Variants in RERG observed in about 807,000 individuals in gnomAD.
The protein encoded by RERG is RAS like estrogen regulated growth inhibitor, also known as ras-related and estrogen-regulated growth inhibitor.
In RERG, 25 loss-of-function variants were observed where a neutral mutation model predicts 23.2. The ratio of observed to expected loss-of-function variants is 1.08; its 90% confidence interval spans 0.79 to 1.50. RERG has a LOEUF of 1.50. Ranked by LOEUF, RERG falls within the 40% of genes most tolerant of loss-of-function variation. RERG has a pLI of 0.00. For synonymous variants in RERG, 81 were observed against 89.1 expected (o/e 0.91, Z 0.51); for missense variants, 253 against 250.1 (o/e 1.01, Z -0.08).
At chr12:15,180,214 G>A (rs578050674) in intron 2 of RERG, among the ~76,000 whole-genome samples, 15 of 152,218 alleles carry the variant, frequency 9.9e-5, no homozygotes, top group African/African-American at 3.6e-4. Context: ...TTACTGCAAA[G>A]GGCTGACATA....
intron 2 of RERG, among the ~76,000 whole-genome samples, chr12:15,144,247 T>C (rs1864291438): frequency 6.6e-6 from 1 of 152,200 alleles, no homozygotes; most frequent in Admixed American, 6.5e-5. Flanking sequence ...TAATATCTTT[T>C]AAACATGCAA....
chr12:15,161,465 G>A (rs576368317), intron 2 of RERG, among the ~76,000 whole-genome samples: 1 of 152,250 alleles, frequency 6.6e-6, no homozygotes, highest in Non-Finnish European at 1.5e-5. Flanking sequence ...AAACACTCTG[G>A]ACCTTCCTTC....
At chr12:15,187,211 G>C (rs1340483331) in intron 2 of RERG, among the ~76,000 whole-genome samples, 1 of 151,986 alleles carries the variant, frequency 6.6e-6, no homozygotes, top group Non-Finnish European at 1.5e-5. Context: ...CAGCTCTCAA[G>C]GCAACAAGTA....
intron 2 of RERG, among the ~76,000 whole-genome samples, chr12:15,146,934 T>G (rs1175121224): frequency 6.6e-6 from 1 of 152,166 alleles, no homozygotes; most frequent in Non-Finnish European, 1.5e-5. Context: ...ATCCCTCTCT[T>G]TGGTTTCATT....
intron 2 of RERG, among the ~76,000 whole-genome samples, chr12:15,195,179 C>T (rs1353472526): frequency 2.6e-5 from 4 of 152,010 alleles, no homozygotes; most frequent in South Asian, 2.1e-4. Flanking sequence ...AGATAGCCCA[C>T]GAGATATGAT....
chr12:15,210,706 T>C (rs1865354946), intron 2 of RERG, among the ~76,000 whole-genome samples: 1 of 152,206 alleles, frequency 6.6e-6, no homozygotes, highest in African/African-American at 2.4e-5. Flanking sequence ...TACATATACG[T>C]AGGCATATAC....
At chr12:15,130,100 CATCCATCCTTT>C in intron 2 of RERG, among the ~76,000 whole-genome samples, 1 of 152,184 alleles carries the variant, frequency 6.6e-6, no homozygotes, top group East Asian at 1.9e-4. Context: ...TCCATCCATT[CATCCATCCTTT>C]ATCCTGCCAT....
At chr12:15,124,552 G>C (rs1863901262) in intron 2 of RERG, among the ~76,000 whole-genome samples, 1 of 151,976 alleles carries the variant, frequency 6.6e-6, no homozygotes, top group Non-Finnish European at 1.5e-5. Context: ...GAAGTAACTT[G>C]ATTAACAATG....
Position 15,108,816 on chromosome 12 carries a change from G to A in RERG, c.*294C>T. ...AAAACTTCAACCTACTTAAAGCAAG[G>A]TGAAGATGCCTAAAAATAGCTTAAC... On this transcript the variant is annotated 3_prime_UTR_variant, in exon 5 of 5. Transcript: ENST00000256953. 1 of 278,254 alleles carries A rather than the reference G, an allele frequency of 3.6e-6. No individual in the cohort carries two copies. Among genetic ancestry groups the A allele is most frequent in the Non-Finnish European group, 6.6e-6 (1 of 150,660 alleles). The allele number at this position is 278,254 out of a possible 1,614,324, so 17.2% of individuals were successfully genotyped here.
chr12:15,166,531 GGTGGTGGTGGTA>G (rs1457832804), intron 2 of RERG, among the ~76,000 whole-genome samples: 5 of 151,314 alleles, frequency 3.3e-5, no homozygotes, highest in Non-Finnish European at 4.4e-5. Flanking sequence ...TGATGGTGGT[GGTGGTGGTGGTA>G]GTGGTGTTGG....
intron 2 of RERG, among the ~76,000 whole-genome samples, chr12:15,132,795 AC>A (rs1176821478): frequency 2.0e-5 from 3 of 152,154 alleles, no homozygotes; most frequent in Admixed American, 6.5e-5. Context: ...CTCTAATTAC[AC>A]ATGATATTGG....
At chr12:15,214,185 A>T (rs918546140) in intron 2 of RERG, among the ~76,000 whole-genome samples, 1 of 152,196 alleles carries the variant, frequency 6.6e-6, no homozygotes, top group African/African-American at 2.4e-5. Flanking sequence ...ATAATAATAT[A>T]AGCTAATTTT....
intron 2 of RERG, among the ~76,000 whole-genome samples, chr12:15,147,014 G>A (rs1004015252): frequency 6.7e-6 from 1 of 150,366 alleles, no homozygotes; most frequent in Non-Finnish European, 1.5e-5. Flanking sequence ...CCTTCTCTTT[G>A]ACATTCTAAA....
intron 2 of RERG, among the ~76,000 whole-genome samples, chr12:15,141,152 C>CTTTT (rs147094991): frequency 2.2e-4 from 31 of 138,252 alleles, no homozygotes; most frequent in African/African-American, 7.7e-4. Context: ...ATTGATGTGT[C>CTTTT]TTTTTTTTTT....
At chr12:15,153,623 G>A (rs556632353) in intron 2 of RERG, among the ~76,000 whole-genome samples, 1 of 151,350 alleles carries the variant, frequency 6.6e-6, no homozygotes, top group South Asian at 2.1e-4. Flanking sequence ...GAATATTCAC[G>A]GTGCATTACT....
At chr12:15,136,303 C>G (rs1232332321) in intron 2 of RERG, among the ~76,000 whole-genome samples, 1 of 151,896 alleles carries the variant, frequency 6.6e-6, no homozygotes, top group African/African-American at 2.4e-5. Flanking sequence ...CTTGGCCTGG[C>G]TAAAGGCTTG....
At chr12:15,207,268 A>T (rs939611674) in intron 2 of RERG, among the ~76,000 whole-genome samples, 1 of 152,110 alleles carries the variant, frequency 6.6e-6, no homozygotes, top group Non-Finnish European at 1.5e-5. Flanking sequence ...GTGGGGAGGG[A>T]TAAGAGACAT....
At chr12:15,148,169 A>C (rs1330471928) in intron 2 of RERG, among the ~76,000 whole-genome samples, 1 of 152,206 alleles carries the variant, frequency 6.6e-6, no homozygotes, top group Non-Finnish European at 1.5e-5. Flanking sequence ...CCTGAGAGAA[A>C]AAAGCCAGAG....
intron 2 of RERG, among the ~76,000 whole-genome samples, chr12:15,148,872 TTTTTTTTTTTTTTTTA>T (rs1864384671): frequency 1.9e-5 from 2 of 107,880 alleles, no homozygotes; most frequent in East Asian, 2.7e-4. Flanking sequence ...TTTTTTTTTT[TTTTTTTTTTTTTTTTA>T]GACAGAGTCT....
Sources: gnomAD v4.1 joint callset for allele counts (sites outside exome capture counted in the v4.1 genomes callset) on GRCh38, gnomAD v4.1.1 for gene constraint, MANE v1.5 for transcripts, NCBI Gene and HGNC (gene_info 2026-07-23, HGNC 2026-07-21) for gene names.